NTM: variants seen among roughly 807,000 people sequenced by gnomAD.
NTM encodes the protein neurotrimin.
Under a neutral mutation model 42.1 loss-of-function variants are expected in NTM, and 13 were observed. The observed-to-expected ratio is 0.31, with a 90% CI of 0.20 to 0.49. The LOEUF is 0.49. Among genes scored for constraint, NTM ranks in the 20% least tolerant of loss-of-function variants. The pLI, the probability that NTM is intolerant of heterozygous loss-of-function variation, is 0.99. For synonymous variants in NTM, 187 were observed against 179.2 expected (o/e 1.04, Z -0.35); for missense variants, 373 against 452.8 (o/e 0.82, Z 1.60).
At chr11:131,936,905 G>T (rs1484354667) in intron 2 of NTM, among the ~76,000 whole-genome samples, 1 of 152,206 alleles carries the variant, frequency 6.6e-6, no homozygotes, top group Non-Finnish European at 1.5e-5. Flanking sequence ...ATTATTCTGT[G>T]ACGGGTGATG....
At chr11:131,516,766 C>T (rs1477886732) in intron 1 of NTM, among the ~76,000 whole-genome samples, 4 of 152,280 alleles carry the variant, frequency 2.6e-5, no homozygotes, top group South Asian at 2.1e-4. Flanking sequence ...AGCATAAAAG[C>T]GTTTCTTGTG....
intron 1 of NTM, among the ~76,000 whole-genome samples, chr11:131,719,023 G>A (rs2078037824): frequency 6.6e-6 from 1 of 152,176 alleles, no homozygotes; most frequent in East Asian, 1.9e-4. Context: ...CATCTTCCCA[G>A]CTCAGCCTCC....
chr11:131,878,886 C>T (rs1029098629), intron 1 of NTM, among the ~76,000 whole-genome samples: 1 of 151,738 alleles, frequency 6.6e-6, no homozygotes, highest in Non-Finnish European at 1.5e-5. Flanking sequence ...AGAGGAGTTC[C>T]CACCACCCCT....
intron 1 of NTM, chr11:131,540,438 T>A (rs952210789): frequency 6.6e-6 from 1 of 152,186 alleles, no homozygotes; most frequent in Non-Finnish European, 1.5e-5. Flanking sequence ...GTATTGGGAT[T>A]ACAGGTGTGA....
At chr11:131,564,453 A>G (rs1485359259) in intron 1 of NTM, among the ~76,000 whole-genome samples, 1 of 125,494 alleles carries the variant, frequency 8.0e-6, no homozygotes, top group Non-Finnish European at 1.6e-5. Flanking sequence ...GGGGAGAGAG[A>G]GAGGGAGGGA....
At chr11:132,070,182 G>C (rs1460490445) in intron 2 of NTM, among the ~76,000 whole-genome samples, 1 of 122,184 alleles carries the variant, frequency 8.2e-6, no homozygotes, top group African/African-American at 3.4e-5. Context: ...TAGTTAACAC[G>C]TCACACAGCC....
chr11:131,878,447 T>G (rs1020411303), intron 1 of NTM, among the ~76,000 whole-genome samples: 8 of 150,380 alleles, frequency 5.3e-5, no homozygotes, highest in Non-Finnish European at 1.0e-4. Flanking sequence ...TGGTGGCGCA[T>G]GCCTCCCAGC....
intron 1 of NTM, among the ~76,000 whole-genome samples, chr11:131,475,691 A>C: frequency 6.6e-6 from 1 of 152,312 alleles, no homozygotes; most frequent in Non-Finnish European, 1.5e-5. Context: ...GAAGCCCTAC[A>C]TTCATTTTCT....
At chr11:131,891,359 G>T (rs956392855) in intron 1 of NTM, among the ~76,000 whole-genome samples, 2 of 152,178 alleles carry the variant, frequency 1.3e-5, no homozygotes, top group Non-Finnish European at 1.5e-5. Flanking sequence ...GATTGACAGA[G>T]ATCGAGATGA....
chr11:131,899,614 C>T (rs2052821119), intron 1 of NTM, among the ~76,000 whole-genome samples: 1 of 152,210 alleles, frequency 6.6e-6, no homozygotes, highest in African/African-American at 2.4e-5. Context: ...TCAAAGGTTA[C>T]AGATATATAG....
intron 1 of NTM, among the ~76,000 whole-genome samples, chr11:131,822,587 T>G (rs947118829): frequency 6.6e-6 from 1 of 152,138 alleles, no homozygotes; most frequent in Non-Finnish European, 1.5e-5. Context: ...CTGCTTTCAG[T>G]GTCTTGAATC....
At chr11:131,940,402 T>A (rs1195911902) in intron 2 of NTM, among the ~76,000 whole-genome samples, 2 of 152,226 alleles carry the variant, frequency 1.3e-5, no homozygotes, top group Non-Finnish European at 2.9e-5. Context: ...TGGGTATACA[T>A]TGTGAGATAA....
chr11:131,911,672 G>T, intron 2 of NTM, 24 bp downstream of exon 2: 1 of 1,613,648 alleles, frequency 6.2e-7, no homozygotes, highest in Non-Finnish European at 8.5e-7. Flanking sequence ...ATTGTTCTGC[G>T]AACTGATGGT....
rs555009744 is a variant in NTM, at chr11:131,562,171, C to T, written c.82+191283C>T. ...GATGCAGCCAGTCAGGCCTGGGGACCGACAGCCCTGTCACGCTGACTTATG... is the reference window on the plus strand; with the variant it reads ...GATGCAGCCAGTCAGGCCTGGGGACTGACAGCCCTGTCACGCTGACTTATG... On this transcript the variant is annotated intron_variant, in intron 1 of 8. Transcript: ENST00000683400. Among the ~76,000 whole-genome samples, 6 of 152,182 alleles carry T rather than the reference C, an allele frequency of 3.9e-5. No homozygotes were observed. The East Asian group carries it at 9.7e-4, about 25-fold the overall frequency.
intron 2 of NTM, among the ~76,000 whole-genome samples, chr11:132,039,486 G>T (rs1251815921): frequency 6.7e-6 from 1 of 150,080 alleles, no homozygotes; most frequent in African/African-American, 2.5e-5. Flanking sequence ...TAAACTCTTA[G>T]GCTCAAGCGA....
chr11:132,054,412 G>A (rs1226235537), intron 2 of NTM, among the ~76,000 whole-genome samples: 3 of 152,268 alleles, frequency 2.0e-5, no homozygotes, highest in Middle Eastern at 3.4e-3. Context: ...ATTTGTCTGC[G>A]CTTACTACTG....
chr11:132,293,281 A>G (rs2140028269), intron 4 of NTM, among the ~76,000 whole-genome samples: 1 of 152,344 alleles, frequency 6.6e-6, no homozygotes, highest in African/African-American at 2.4e-5. Context: ...GCAAGCTCAG[A>G]AGTTTAACTG....
At chr11:132,201,769 A>C (rs2081193606) in intron 3 of NTM, among the ~76,000 whole-genome samples, 1 of 152,248 alleles carries the variant, frequency 6.6e-6, no homozygotes, top group African/African-American at 2.4e-5. Context: ...TTGCAGAGTG[A>C]TTAGTAATTC....
At position 132,295,242 on chromosome 11, in the gene NTM, T is replaced by G. The variant is rs1382654409; in HGVS notation, c.527-12447T>G. ...CAAAGGGTGTTCTGAATCATTGATA[T>G]GATTAACAATTGATATGATATAACG... On this transcript the variant is annotated intron_variant, in intron 4 of 8. Transcript: ENST00000683400. 2.6e-5 allele frequency among the ~76,000 whole-genome samples: 4 copies of G among 152,132 alleles called. No homozygotes were observed. The East Asian group carries it at 7.7e-4, about 29-fold the overall frequency.
Sources: allele counts gnomAD v4.1 joint callset (sites outside exome capture counted in the v4.1 genomes callset), GRCh38; gene constraint gnomAD v4.1.1; transcripts MANE v1.5; gene names NCBI Gene and HGNC (gene_info 2026-07-23, HGNC 2026-07-21).